The following RAP1GAP2 variants were observed in gnomAD, a reference collection of about 807,000 sequenced individuals.
RAP1GAP2 encodes the protein rap1 GTPase-activating protein 2.
In RAP1GAP2, 27 loss-of-function variants were observed where a neutral mutation model predicts 95.0. The ratio of observed to expected loss-of-function variants is 0.28; its 90% confidence interval spans 0.21 to 0.39. The LOEUF is 0.39. RAP1GAP2 is among the 10% of genes least tolerant of loss of function. The pLI, the probability that RAP1GAP2 is intolerant of heterozygous loss-of-function variation, is 1.00. For synonymous variants in RAP1GAP2, 373 were observed against 380.9 expected (o/e 0.98, Z 0.24); for missense variants, 771 against 970.0 (o/e 0.79, Z 2.72).
Position 3,006,001 on chromosome 17 carries a change from A to G in RAP1GAP2, c.1319A>G (p.Glu440Gly). ...CTGCTCACCAAGCTCACCAATGCCG[A>G]GAACGCCTGCTGCAAGTCGGACAAG... is the stretch of plus-strand genomic sequence containing the variant. ...EFLLTKLTNA[E>G]NACCKSDKFA... The change falls in exon 16 of 25, where the codon GAG becomes GGG. Residue 440 changes from glutamate (E) to glycine (G), a missense_variant. Physicochemically the swap from Glu to Gly is moderately conservative, Grantham distance 98. Coordinates refer to ENST00000254695, the MANE Select transcript of RAP1GAP2 (RefSeq NM_015085.5). 1 of 1,613,408 alleles carries G rather than the reference A, an allele frequency of 6.2e-7. No homozygotes were observed. The highest frequency in any genetic ancestry group is 8.5e-7 in the Non-Finnish European group (1 of 1,179,620).
chr17:3,035,533 A>C lies in RAP1GAP2; in HGVS notation c.*2172A>C, dbSNP rs903304896. The C allele has an allele frequency of 6.5e-6, 1 of 152,828 alleles. No homozygotes were observed. The highest frequency in any genetic ancestry group is 2.4e-5 in the African/African-American group (1 of 41,460). 9.5% of individuals were successfully genotyped at this position (152,828 alleles called of 1,614,324 possible). On this transcript the variant is annotated 3_prime_UTR_variant, in exon 25 of 25. Transcript: ENST00000254695. The surrounding 1 kb of genome is among the most constrained non-coding windows in gnomAD (Gnocchi z 4.3). ...TGTCCCTGCCTCTGAGCTGGTGGGC[A>C]GGATGGCTGGGTGGCCCCCAGAGAA...
chr17:3,026,025 C>T lies in RAP1GAP2; in HGVS notation c.1769C>T (p.Thr590Ile). 6.2e-7 allele frequency: 1 copy of T among 1,613,318 alleles called. No individual in the cohort carries two copies. Among genetic ancestry groups the T allele is most frequent in the Non-Finnish European group, 8.5e-7 (1 of 1,179,312 alleles). The change falls in exon 20 of 25, where the codon ACA (threonine) becomes ATA (isoleucine). Residue 590 changes from threonine (T) to isoleucine (I), a missense_variant. Thr to Ile is a moderately conservative substitution (Grantham distance 89, BLOSUM62 -1). Transcript: ENST00000254695. The part of the protein sequence containing the change: ...SRARCDSTSS[T>I]PKTPDGGHSS... The stretch of plus-strand genomic sequence containing the variant: ...TCCCTCAGTGACAGCACATCCAGCA[C>T]ACCCAAGACCCCAGATGGTGGACAC...
At chr17:2,929,283 G>C (rs2043064432) in intron 3 of RAP1GAP2, among the ~76,000 whole-genome samples, 3 of 152,138 alleles carry the variant, frequency 2.0e-5, no homozygotes, top group Admixed American at 2.0e-4. Flanking sequence ...GCAGATTTTT[G>C]TCTGCCTTAG....
At chr17:3,013,403 G>A (rs568630533) in intron 17 of RAP1GAP2, among the ~76,000 whole-genome samples, 1 of 152,234 alleles carries the variant, frequency 6.6e-6, no homozygotes, top group East Asian at 1.9e-4. Context: ...CTTGTGCTTG[G>A]CCCTGCTCCA....
chr17:2,892,463 G>C (rs1486135466), intron 2 of RAP1GAP2, among the ~76,000 whole-genome samples: 3 of 152,270 alleles, frequency 2.0e-5, no homozygotes, highest in African/African-American at 7.2e-5. Flanking sequence ...GGGTGGCTCA[G>C]ATGGCTGGAG....
chr17:2,897,009 C>T (rs1363410303), intron 2 of RAP1GAP2, among the ~76,000 whole-genome samples: 2 of 152,212 alleles, frequency 1.3e-5, no homozygotes, highest in African/African-American at 2.4e-5. Context: ...TCTCCCCCTT[C>T]TGTCCCCTCA....
chr17:2,771,927 C>G (rs1400239963), intron 2 of RAP1GAP2, among the ~76,000 whole-genome samples: 1 of 152,136 alleles, frequency 6.6e-6, no homozygotes, highest in African/African-American at 2.4e-5. Flanking sequence ...AATAGAGTCT[C>G]ACTGTGTTGC....
At chr17:2,899,033 T>C (rs1359115067) in intron 2 of RAP1GAP2, among the ~76,000 whole-genome samples, 1 of 150,472 alleles carries the variant, frequency 6.6e-6, no homozygotes, top group East Asian at 1.9e-4. Flanking sequence ...TTGCCTGTTC[T>C]GTGGATTTCA....
chr17:3,002,341 G>A (rs1054828520), intron 14 of RAP1GAP2, among the ~76,000 whole-genome samples: 5 of 152,214 alleles, frequency 3.3e-5, no homozygotes, highest in East Asian at 1.9e-4. Flanking sequence ...AGGGCTTCCC[G>A]GAGGAGCAGG....
At chr17:2,777,915 G>T (rs1240083511) in intron 1 of RAP1GAP2, among the ~76,000 whole-genome samples, 2 of 150,688 alleles carry the variant, frequency 1.3e-5, no homozygotes, top group Non-Finnish European at 3.0e-5. Flanking sequence ...CTGTTGCAGG[G>T]TGGGGAGTAA....
At chr17:2,962,838 A>C (rs1597732498) in intron 5 of RAP1GAP2, 124 bp downstream of exon 5, 1 of 934,298 alleles carries the variant, frequency 1.1e-6, no homozygotes. Flanking sequence ...TCTGACTCGC[A>C]CCACGGGCCG....
chr17:2,909,376 C>T (rs1483397679), intron 3 of RAP1GAP2, among the ~76,000 whole-genome samples: 6 of 151,682 alleles, frequency 4.0e-5, no homozygotes, highest in Non-Finnish European at 8.8e-5. Context: ...AGGGGTGGGG[C>T]GGACAGCAGA....
At chr17:2,924,173 G>C (rs2042879899) in intron 3 of RAP1GAP2, among the ~76,000 whole-genome samples, 1 of 152,206 alleles carries the variant, frequency 6.6e-6, no homozygotes, top group Non-Finnish European at 1.5e-5. Flanking sequence ...ATGAGAGCCA[G>C]GTGATTTTGG....
intron 3 of RAP1GAP2, among the ~76,000 whole-genome samples, chr17:2,946,263 A>G (rs1397237051): frequency 5.3e-5 from 8 of 152,228 alleles, no homozygotes. Context: ...CCTTTGTGTC[A>G]CTTTGATAAC....
At chr17:3,031,642 A>G (rs56075702) in intron 23 of RAP1GAP2, among the ~76,000 whole-genome samples, 9 of 122,390 alleles carry the variant, frequency 7.4e-5, no homozygotes, top group Admixed American at 8.3e-5. Context: ...GAGGTGAGAA[A>G]GGCTGGTTCC....
rs994969924 is a variant in RAP1GAP2, at chr17:2,903,121, T to C, written c.81-2163T>C. Among the ~76,000 whole-genome samples, 2 of 152,118 alleles carry C rather than the reference T, an allele frequency of 1.3e-5. No homozygotes were observed. The highest frequency in any genetic ancestry group is 1.5e-5 in the Non-Finnish European group (1 of 68,010). On this transcript the variant is annotated intron_variant, in intron 2 of 24. Transcript: ENST00000254695. This position sits in a 1 kb window ranked among gnomAD's most constrained non-coding sequence, Gnocchi z 4.1. Reference sequence around the variant, plus strand: ...CGCCCTATAGCATCTGGTGGGGGCTTGTTTTACTTCCCCTCCCTGCGTGCT... The same window carrying C: ...CGCCCTATAGCATCTGGTGGGGGCTCGTTTTACTTCCCCTCCCTGCGTGCT...
At chr17:2,934,678 C>T (rs1189053714) in intron 3 of RAP1GAP2, among the ~76,000 whole-genome samples, 1 of 152,212 alleles carries the variant, frequency 6.6e-6, no homozygotes, top group Non-Finnish European at 1.5e-5. Flanking sequence ...CATTTAACAA[C>T]TCTGAAATCA....
Position 3,026,462 on chromosome 17 carries a change from G to A in RAP1GAP2, c.1978G>A (p.Gly660Arg), listed in dbSNP as rs774517119. 7.1e-6 allele frequency: 11 copies of A among 1,547,990 alleles called. No homozygotes were observed. The highest frequency in any genetic ancestry group is 1.2e-5 in the South Asian group (1 of 83,582). The change falls in exon 21 of 25, where the codon GGG becomes AGG. Residue 660 changes from glycine (G) to arginine (R), a missense_variant and splice_region_variant. Coordinates refer to ENST00000254695, the MANE Select transcript of RAP1GAP2 (RefSeq NM_015085.5). ...CGAGGCCATGGAGGAGGGCGACAGT[G>A]GGGTAGGTGTGCCCCGTCCACCCTT... ...EGEAMEEGDS[G>R]GSQPSTTSPF...
chr17:2,927,348 T>C (rs914211099), intron 3 of RAP1GAP2, among the ~76,000 whole-genome samples: 7 of 150,804 alleles, frequency 4.6e-5, no homozygotes, highest in Non-Finnish European at 7.4e-5. Context: ...AGAGACGGGG[T>C]TTCACCGTGT....
Sources: allele counts gnomAD v4.1 joint callset (sites outside exome capture counted in the v4.1 genomes callset), GRCh38; gene constraint gnomAD v4.1.1; non-coding constraint Gnocchi (gnomAD v3.1); transcripts MANE v1.5; gene names NCBI Gene and HGNC (gene_info 2026-07-23, HGNC 2026-07-21).